TBC1D14: variants seen among roughly 807,000 people sequenced by gnomAD.
TBC1D14 encodes the protein TBC1 domain family member 14.
Under a neutral mutation model 79.0 loss-of-function variants are expected in TBC1D14, and 26 were observed. The observed-to-expected ratio is 0.33, with a 90% CI of 0.24 to 0.46. The LOEUF (loss-of-function observed/expected upper bound fraction) is 0.46. Among genes scored for constraint, TBC1D14 ranks in the 20% least tolerant of loss-of-function variants. The pLI, the probability that TBC1D14 is intolerant of heterozygous loss-of-function variation, is 1.00. For synonymous variants in TBC1D14, 394 were observed against 349.9 expected (o/e 1.13, Z -1.40); for missense variants, 769 against 887.6 (o/e 0.87, Z 1.70).
chr4:7,004,311 A>G (rs567720822), intron 7 of TBC1D14, among the ~76,000 whole-genome samples: 8 of 152,340 alleles, frequency 5.3e-5, no homozygotes, highest in African/African-American at 1.9e-4. Context: ...TATTCCTGGG[A>G]TCTTCCCCCA....
intron 6 of TBC1D14, 56 bp from the exon 7 acceptor site, chr4:7,001,089 T>C: frequency 6.7e-7 from 1 of 1,497,210 alleles, no homozygotes; most frequent in South Asian, 1.2e-5. Context: ...GGCACGCAGG[T>C]AGACAAATGT....
chr4:6,955,946 T>C (rs1162520435), intron 2 of TBC1D14, among the ~76,000 whole-genome samples: 1 of 152,140 alleles, frequency 6.6e-6, no homozygotes, highest in Non-Finnish European at 1.5e-5. Context: ...TTCCTCTTGG[T>C]TAAGTGCAAT....
chr4:6,984,223 T>A (rs1717624609), intron 3 of TBC1D14, among the ~76,000 whole-genome samples: 2 of 152,216 alleles, frequency 1.3e-5, no homozygotes, highest in African/African-American at 2.4e-5. Flanking sequence ...CCCATGTCTT[T>A]GTCTCTCTGA....
chr4:7,006,831 G>T, intron 9 of TBC1D14, 105 bp downstream of exon 9: 1 of 966,510 alleles, frequency 1.0e-6, no homozygotes, highest in Non-Finnish European at 1.6e-6. Context: ...TGGGTTTTTG[G>T]GGGTGTTAGG....
chr4:6,932,642 TTGC>T (rs1480908205), intron 2 of TBC1D14, among the ~76,000 whole-genome samples: 1 of 152,218 alleles, frequency 6.6e-6, no homozygotes, highest in Non-Finnish European at 1.5e-5. Flanking sequence ...AGATGGGGTC[TTGC>T]TGCATTGGCC....
At chr4:7,028,394 G>A (rs1284897384) in intron 13 of TBC1D14, among the ~76,000 whole-genome samples, 1 of 151,952 alleles carries the variant, frequency 6.6e-6, no homozygotes, top group Non-Finnish European at 1.5e-5. Flanking sequence ...TGGGGGTGGG[G>A]GGCTTGGGCA....
At position 7,014,497 on chromosome 4, in the gene TBC1D14, C is replaced by T. The variant is rs769758691; in HGVS notation, c.1697C>T (p.Pro566Leu). The T allele has an allele frequency of 9.9e-6, 16 of 1,613,718 alleles. No individual in the cohort carries two copies. The highest frequency in any genetic ancestry group is 5.0e-5 in the Admixed American group (3 of 59,974). The change falls in exon 12 of 14, where the codon CCG becomes CTG. Residue 566 changes from proline (P) to leucine (L), a missense_variant. Transcript: ENST00000409757. The part of the protein sequence containing the change: ...AFEVFFEENL[P>L]KLFAHFKKNN... ...GAAGTATTCTTTGAAGAAAATTTGC[C>T]GAAATTATTTGCGCATTTCAAGAAG...
intron 5 of TBC1D14, among the ~76,000 whole-genome samples, chr4:6,997,867 C>T (rs375531639): frequency 4.8e-4 from 73 of 151,894 alleles, no homozygotes; most frequent in African/African-American, 6.8e-4. Context: ...GTTGGGGAGA[C>T]GGGGAGTAGG....
At chr4:6,979,680 A>G (rs1717187318) in intron 3 of TBC1D14, among the ~76,000 whole-genome samples, 3 of 152,216 alleles carry the variant, frequency 2.0e-5, no homozygotes, top group Admixed American at 2.0e-4. Flanking sequence ...ACTCACTTCA[A>G]ATATAGAATA....
At chr4:6,979,015 C>T (rs1717114901) in intron 3 of TBC1D14, among the ~76,000 whole-genome samples, 1 of 152,148 alleles carries the variant, frequency 6.6e-6, no homozygotes, top group Non-Finnish European at 1.5e-5. Flanking sequence ...GAAGTTTCTG[C>T]ATTCCACTTG....
At chr4:6,971,528 C>A (rs1716229280) in intron 3 of TBC1D14, among the ~76,000 whole-genome samples, 1 of 152,074 alleles carries the variant, frequency 6.6e-6, no homozygotes, top group African/African-American at 2.4e-5. Context: ...TTTCAAATTG[C>A]ATAAACATTT....
At chr4:6,914,353 G>A (rs1463273348) in intron 1 of TBC1D14, among the ~76,000 whole-genome samples, 1 of 152,184 alleles carries the variant, frequency 6.6e-6, no homozygotes, top group Non-Finnish European at 1.5e-5. Context: ...CCCTCTGGAG[G>A]AATATGTGAG....
chr4:6,991,261 C>G (rs192397945), intron 3 of TBC1D14, among the ~76,000 whole-genome samples: 28 of 152,330 alleles, frequency 1.8e-4, no homozygotes, highest in African/African-American at 6.7e-4. Context: ...GTTGTGAAAA[C>G]TACTGAGACT....
intron 1 of TBC1D14, among the ~76,000 whole-genome samples, chr4:6,922,486 C>T (rs114931490): frequency 0.011 from 1,630 of 152,242 alleles, 24 homozygotes; most frequent in Middle Eastern, 0.044. Context: ...TTAGTCTTGC[C>T]GAGCCTTGGT....
chr4:6,932,879 A>G (rs1020745196), intron 2 of TBC1D14, among the ~76,000 whole-genome samples: 12 of 152,184 alleles, frequency 7.9e-5, no homozygotes, highest in African/African-American at 2.9e-4. Flanking sequence ...ATGGCTGTCC[A>G]TCATGGTGTG....
At chr4:6,987,614 C>T (rs1177262669) in intron 3 of TBC1D14, 1 of 388,154 alleles carries the variant, frequency 2.6e-6, no homozygotes, top group African/African-American at 2.1e-5. Context: ...TTCACGTTTA[C>T]TAGGACGACG....
intron 1 of TBC1D14, among the ~76,000 whole-genome samples, chr4:6,913,601 T>TTAATA (rs1723168650): frequency 6.6e-6 from 1 of 152,222 alleles, no homozygotes; most frequent in Non-Finnish European, 1.5e-5. Context: ...GGCTTGTGAT[T>TTAATA]ATTAGAGCAT....
intron 12 of TBC1D14, among the ~76,000 whole-genome samples, chr4:7,022,029 T>C (rs1399834674): frequency 6.6e-6 from 1 of 152,272 alleles, no homozygotes; most frequent in Non-Finnish European, 1.5e-5. Context: ...CGGCTGGCTT[T>C]CAAATCTAAA....
At chr4:7,011,699 G>T (rs1720792114) in intron 11 of TBC1D14, among the ~76,000 whole-genome samples, 1 of 151,912 alleles carries the variant, frequency 6.6e-6, no homozygotes, top group Non-Finnish European at 1.5e-5. Flanking sequence ...TGGGATTACA[G>T]GTGTCTGCCA....
Sources: gnomAD v4.1 joint callset for allele counts (sites outside exome capture counted in the v4.1 genomes callset) on GRCh38, gnomAD v4.1.1 for gene constraint, MANE v1.5 for transcripts, NCBI Gene and HGNC (gene_info 2026-07-23, HGNC 2026-07-21) for gene names.